Variants in NLGN1 observed in about 807,000 individuals in gnomAD.
NLGN1 encodes the protein neuroligin-1.
In NLGN1, 12 loss-of-function variants were observed where a neutral mutation model predicts 65.5. The ratio of observed to expected loss-of-function variants is 0.18; its 90% confidence interval spans 0.12 to 0.30. The LOEUF is 0.30. Ranked by LOEUF, NLGN1 falls within the 10% of genes least tolerant of loss-of-function variation. The probability of loss-of-function intolerance (pLI) is 1.00; values close to 1 mark genes in which losing one functional copy is unlikely to be tolerated. For synonymous variants in NLGN1, 350 were observed against 359.5 expected (o/e 0.97, Z 0.30); for missense variants, 750 against 1,007.1 (o/e 0.74, Z 3.46).
chr3:174,072,583 T>G (rs1436010164), intron 4 of NLGN1, among the ~76,000 whole-genome samples: 2 of 152,006 alleles, frequency 1.3e-5, no homozygotes, highest in Non-Finnish European at 2.9e-5. Context: ...AGGTCTGAAT[T>G]AAAATTGAGC....
In NLGN1 at chr3:173,469,618, G is replaced by C. The variant is rs9873820; in HGVS notation, c.-321+34540G>C. ...AGCAGAGTTAAGTCCTCAGAAAGTT[G>C]GCATATGCACTTTTAAAAACTAAAA... On this transcript the variant is annotated intron_variant, in intron 2 of 6. Coordinates refer to ENST00000457714, the Ensembl canonical transcript of NLGN1. Among the ~76,000 whole-genome samples the C allele has an allele frequency of 1.9e-3, 285 of 150,914 alleles. 1 individual carries two copies. The highest frequency in any genetic ancestry group is 6.6e-3 in the African/African-American group (271 of 41,156).
intron 1 of NLGN1, among the ~76,000 whole-genome samples, chr3:173,414,516 G>T (rs933432221): frequency 2.0e-5 from 3 of 151,414 alleles, no homozygotes; most frequent in African/African-American, 7.3e-5. Flanking sequence ...AGAGGCTTCA[G>T]TTTGCCACCT....
chr3:174,184,130 A>G (rs548352114), intron 4 of NLGN1, among the ~76,000 whole-genome samples: 2 of 152,308 alleles, frequency 1.3e-5, no homozygotes, highest in South Asian at 4.1e-4. Flanking sequence ...AAAGAAATAC[A>G]AAAGTCAATA....
At chr3:173,579,704 G>T (rs1054058852) in intron 2 of NLGN1, among the ~76,000 whole-genome samples, 1 of 152,208 alleles carries the variant, frequency 6.6e-6, no homozygotes, top group African/African-American at 2.4e-5. Context: ...CCCGTAGAAA[G>T]AACCTCTTTG....
intron 4 of NLGN1, among the ~76,000 whole-genome samples, chr3:173,907,056 C>T (rs1036802398): frequency 6.6e-6 from 1 of 152,052 alleles, no homozygotes; most frequent in Non-Finnish European, 1.5e-5. Flanking sequence ...CCCAATCTCC[C>T]AGGCCTGGTA....
At chr3:173,852,272 C>A (rs896621576) in intron 4 of NLGN1, among the ~76,000 whole-genome samples, 4 of 130,138 alleles carry the variant, frequency 3.1e-5, no homozygotes, top group Non-Finnish European at 4.7e-5. Context: ...AGGAGAATGG[C>A]GTGAACCCGG....
intron 1 of NLGN1, among the ~76,000 whole-genome samples, chr3:173,420,298 T>C (rs1330936020): frequency 6.6e-6 from 1 of 151,312 alleles, no homozygotes; most frequent in Non-Finnish European, 1.5e-5. Context: ...CATTGTTCAA[T>C]TCCCGCCTAT....
At chr3:173,416,557 A>G (rs1713838407) in intron 1 of NLGN1, among the ~76,000 whole-genome samples, 1 of 152,162 alleles carries the variant, frequency 6.6e-6, no homozygotes, top group African/African-American at 2.4e-5. Flanking sequence ...GTTAGTTCAG[A>G]AAATATTGCT....
At chr3:173,509,814 G>A (rs183179464) in intron 2 of NLGN1, among the ~76,000 whole-genome samples, 171 of 152,122 alleles carry the variant, frequency 1.1e-3, no homozygotes, top group African/African-American at 3.8e-3. Flanking sequence ...CATACACTAC[G>A]TTTGAATTTT....
At chr3:173,958,207 G>T (rs1712603808) in intron 4 of NLGN1, among the ~76,000 whole-genome samples, 2 of 152,194 alleles carry the variant, frequency 1.3e-5, no homozygotes, top group African/African-American at 4.8e-5. Flanking sequence ...TTTCAGCCCT[G>T]TTACTTACAG....
At chr3:174,278,110 G>A (rs985518932) in intron 5 of NLGN1, among the ~76,000 whole-genome samples, 1 of 151,910 alleles carries the variant, frequency 6.6e-6, no homozygotes, top group African/African-American at 2.4e-5. Context: ...CATCTTTTAT[G>A]ATAAAAACAG....
intron 4 of NLGN1, among the ~76,000 whole-genome samples, chr3:173,950,967 A>G (rs540098780): frequency 1.3e-5 from 2 of 152,114 alleles, no homozygotes; most frequent in South Asian, 4.2e-4. Context: ...CCCGGGTTCA[A>G]GCGTTTCTCC....
intron 4 of NLGN1, among the ~76,000 whole-genome samples, chr3:173,884,563 T>A (rs1475753610): frequency 6.6e-6 from 1 of 152,170 alleles, no homozygotes; most frequent in Non-Finnish European, 1.5e-5. Context: ...CCTACATACT[T>A]TGAGATTAGT....
intron 2 of NLGN1, among the ~76,000 whole-genome samples, chr3:173,443,303 A>C (rs1719548398): frequency 1.5e-5 from 1 of 67,232 alleles, no homozygotes; most frequent in East Asian, 8.3e-4. Flanking sequence ...TTAATAGTAT[A>C]TATATTATAT....
intron 3 of NLGN1, among the ~76,000 whole-genome samples, chr3:173,780,294 C>T (rs1043716304): frequency 6.6e-6 from 1 of 152,138 alleles, no homozygotes; most frequent in Non-Finnish European, 1.5e-5. Flanking sequence ...TATATAAATA[C>T]ATGCATACAT....
intron 4 of NLGN1, among the ~76,000 whole-genome samples, chr3:174,219,945 A>G (rs1738329774): frequency 6.6e-6 from 1 of 152,134 alleles, no homozygotes; most frequent in South Asian, 2.1e-4. Context: ...CAGGTGTCAG[A>G]CAGAGAGAAG....
intron 4 of NLGN1, among the ~76,000 whole-genome samples, chr3:173,872,854 T>A (rs1181281651): frequency 6.6e-6 from 1 of 152,092 alleles, no homozygotes; most frequent in African/African-American, 2.4e-5. Context: ...ATCTGGAACC[T>A]CTCCCCACCC....
chr3:174,229,942 T>TA (rs1185316719), intron 4 of NLGN1, among the ~76,000 whole-genome samples: 2 of 152,234 alleles, frequency 1.3e-5, no homozygotes, highest in African/African-American at 4.8e-5. Flanking sequence ...ACAAGAAATA[T>TA]ACTCATCCCA....
rs1576892832 is a variant in NLGN1, at chr3:173,479,832, T to C, written c.-321+44754T>C. On this transcript the variant is annotated intron_variant, in intron 2 of 6. Coordinates refer to ENST00000457714, the Ensembl canonical transcript of NLGN1. ...AATTGGTATAATTTGAGAGAGGGCC[T>C]AAGTGTAAGAGAGTAAACACATAAC... is the stretch of plus-strand genomic sequence containing the variant. 2.0e-5 allele frequency among the ~76,000 whole-genome samples: 3 copies of C among 152,276 alleles called. No homozygotes were observed. The East Asian group carries it at 5.8e-4, about 29-fold the overall frequency.
Sources: allele counts gnomAD v4.1 joint callset (sites outside exome capture counted in the v4.1 genomes callset), GRCh38; gene constraint gnomAD v4.1.1; transcripts MANE v1.5; gene names NCBI Gene and HGNC (gene_info 2026-07-23, HGNC 2026-07-21).